WDR37: variants seen among roughly 807,000 people sequenced by gnomAD.
WDR37 encodes the protein WD repeat domain 37.
Under a neutral mutation model 62.9 loss-of-function variants are expected in WDR37, and 19 were observed. The ratio of observed to expected loss-of-function variants is 0.30; its 90% CI spans 0.21 to 0.44. The LOEUF (loss-of-function observed/expected upper bound fraction) is 0.44, where lower values mean the gene tolerates loss of function less well. Among genes scored for constraint, WDR37 ranks in the 20% least tolerant of loss-of-function variants. The pLI, the probability that WDR37 is intolerant of heterozygous loss-of-function variation, is 1.00. For synonymous variants in WDR37, 250 were observed against 260.9 expected, an observed-to-expected ratio of 0.96 and a Z score of 0.40; for missense variants, 474 against 657.6, an observed-to-expected ratio of 0.72 and a Z score of 3.05.
chr10:1,069,370 AATATAT>A (rs1351085134), intron 1 of WDR37, among the ~76,000 whole-genome samples: 2 of 81,414 alleles, frequency 2.5e-5, no homozygotes, highest in Non-Finnish European at 2.3e-5. Flanking sequence ...AATTGGAAAG[AATATAT>A]ATATATATAT....
intron 1 of WDR37, among the ~76,000 whole-genome samples, chr10:1,065,820 T>G (rs1267320505): frequency 6.6e-6 from 1 of 152,168 alleles, no homozygotes; most frequent in African/African-American, 2.4e-5. Context: ...GTACTGGAAT[T>G]TCTAGCCAAA....
intron 3 of WDR37, among the ~76,000 whole-genome samples, chr10:1,078,851 A>G (rs758591439): frequency 6.6e-6 from 1 of 152,218 alleles, no homozygotes; most frequent in Non-Finnish European, 1.5e-5. Context: ...ACTACAATCA[A>G]GTCTTTCATG....
At chr10:1,080,174 G>C in intron 4 of WDR37, 68 bp downstream of exon 4, 1 of 1,565,904 alleles carries the variant, frequency 6.4e-7, no homozygotes, top group Non-Finnish European at 8.8e-7. Context: ...ATTTAGTGAA[G>C]GATGCTGGCT....
intron 1 of WDR37, among the ~76,000 whole-genome samples, chr10:1,070,876 G>GT (rs1032228265): frequency 6.6e-6 from 1 of 152,210 alleles, no homozygotes; most frequent in African/African-American, 2.4e-5. Flanking sequence ...GTAAGGAGGT[G>GT]TTAGGGCTAT....
In WDR37 at chr10:1,105,302, C is replaced by T; in HGVS notation, c.1103+35C>T. ...GGTAGTTTAGACATCTGTCCTTAGT[C>T]ATGAAAAAGTTCTGTGGGTTGACAT... is the stretch of plus-strand genomic sequence containing the variant. On this transcript the variant is annotated intron_variant, in intron 11 of 13. Transcript: ENST00000263150. This position sits in a 1 kb window ranked among gnomAD's most constrained non-coding sequence, Gnocchi z 5.3. 1 of 1,590,682 alleles carries T rather than the reference C, an allele frequency of 6.3e-7. No homozygotes were observed. Among genetic ancestry groups the T allele is most frequent in the South Asian group, 1.1e-5 (1 of 89,202 alleles).
intron 9 of WDR37, among the ~76,000 whole-genome samples, chr10:1,097,698 C>G (rs917670079): frequency 1.3e-5 from 2 of 152,190 alleles, no homozygotes; most frequent in African/African-American, 4.8e-5. Flanking sequence ...GTGGCGCATC[C>G]AGACCAAGAG....
At chr10:1,116,834 T>C (rs1351777762) in intron 11 of WDR37, among the ~76,000 whole-genome samples, 1 of 152,212 alleles carries the variant, frequency 6.6e-6, no homozygotes, top group Non-Finnish European at 1.5e-5. Context: ...CCACAGAAAC[T>C]GCCAAGGAGA....
At chr10:1,080,193 T>C in intron 4 of WDR37, 87 bp downstream of exon 4, 2 of 1,497,896 alleles carry the variant, frequency 1.3e-6, no homozygotes, top group Non-Finnish European at 9.3e-7. Flanking sequence ...CTGGTTTGCG[T>C]TTTGCTGTCA....
chr10:1,072,421 T>C, intron 2 of WDR37, 128 bp downstream of exon 2: 1 of 1,276,446 alleles, frequency 7.8e-7, no homozygotes, highest in Middle Eastern at 2.7e-4. Context: ...TGGAAGTGAT[T>C]CTCCTGCCTC....
chr10:1,076,829 T>C (rs1021917147), intron 2 of WDR37, among the ~76,000 whole-genome samples: 3 of 151,100 alleles, frequency 2.0e-5, no homozygotes, highest in Non-Finnish European at 4.4e-5. Context: ...GATCATGAGG[T>C]CAGGAGATTG....
intron 11 of WDR37, among the ~76,000 whole-genome samples, chr10:1,115,883 C>T (rs1453926344): frequency 2.0e-5 from 3 of 152,184 alleles, no homozygotes; most frequent in Admixed American, 6.5e-5. Context: ...GAGATGAGGA[C>T]GGCCTGCAGG....
At chr10:1,111,079 C>T (rs59377495) in intron 11 of WDR37, among the ~76,000 whole-genome samples, 12,014 of 152,234 alleles carry the variant, frequency 0.079, 494 homozygotes, top group East Asian at 0.1. Flanking sequence ...TAGTGATACC[C>T]CTTAAACAGA....
Position 1,068,044 on chromosome 10 carries a change from AATAG to A in WDR37, c.-40-4064_-40-4061del, listed in dbSNP as rs61567056. The stretch of plus-strand genomic sequence containing the variant: ...AACACATGGAGGTAAACAGTGGAAA[AATAG>A]ATAGATAATAGAGACCGGGAAGGGT... On this transcript the variant is annotated intron_variant, in intron 1 of 13. Coordinates refer to ENST00000263150, the MANE Select transcript of WDR37 (RefSeq NM_014023.4). Among the ~76,000 whole-genome samples, 1,378 of 152,280 alleles carry A rather than the reference AATAG, an allele frequency of 9.0e-3. 12 individuals carry two copies. The highest frequency in any genetic ancestry group is 0.021 in the African/African-American group (888 of 41,528).
chr10:1,062,141 C>G (rs972958980), intron 1 of WDR37, among the ~76,000 whole-genome samples: 3 of 151,976 alleles, frequency 2.0e-5, no homozygotes, highest in African/African-American at 7.3e-5. Flanking sequence ...TAAGATTACT[C>G]CAGTATGAAA....
At chr10:1,078,475 C>T (rs1247572945) in intron 3 of WDR37, among the ~76,000 whole-genome samples, 2 of 151,988 alleles carry the variant, frequency 1.3e-5, no homozygotes, top group Admixed American at 6.6e-5. Flanking sequence ...CTACCATTAC[C>T]CCTCAAGCCC....
intron 11 of WDR37, among the ~76,000 whole-genome samples, chr10:1,108,531 A>G (rs987926109): frequency 6.6e-6 from 1 of 152,142 alleles, no homozygotes; most frequent in African/African-American, 2.4e-5. Context: ...ACACTATTCT[A>G]TGGATGTTAA....
chr10:1,086,427 A>G (rs1834202632), intron 7 of WDR37, 70 bp downstream of exon 7: 5 of 1,274,442 alleles, frequency 3.9e-6, no homozygotes, highest in Non-Finnish European at 4.5e-6. Context: ...AAAATCGTGC[A>G]TGATAAAGCC....
At chr10:1,126,838 C>G (rs1483020223) in intron 13 of WDR37, among the ~76,000 whole-genome samples, 1 of 152,234 alleles carries the variant, frequency 6.6e-6, no homozygotes, top group Non-Finnish European at 1.5e-5. Context: ...CAGTCCCCTT[C>G]CTGGCATGAG....
Position 1,084,508 on chromosome 10 carries a change from C to G in WDR37, c.502C>G (p.Gln168Glu). 6.2e-7 allele frequency: 1 copy of G among 1,614,188 alleles called. No homozygotes were observed. The highest frequency in any genetic ancestry group is 8.5e-7 in the Non-Finnish European group (1 of 1,180,028). Residue 168 changes from glutamine to glutamate, a missense_variant, in exon 6 of 14, where the codon CAG becomes GAG. Gln to Glu is a conservative substitution (Grantham distance 29). Coordinates refer to ENST00000263150, the MANE Select transcript of WDR37 (RefSeq NM_014023.4). ...GIWDVSVAKT[Q>E]PVVLGTASAD... ...CTGGGATGTCAGCGTGGCCAAGACA[C>G]AGCCAGTGGTGCTCGGGACTGCATC...
Sources: gnomAD v4.1 joint callset for allele counts (sites outside exome capture counted in the v4.1 genomes callset) on GRCh38, gnomAD v4.1.1 for gene constraint, Gnocchi (gnomAD v3.1) non-coding constraint, MANE v1.5 for transcripts, NCBI Gene and HGNC (gene_info 2026-07-23, HGNC 2026-07-21) for gene names.